The following TMEM87A variants were observed in gnomAD, a reference collection of about 807,000 sequenced individuals.
TMEM87A encodes transmembrane protein 87A, also known as Golgi-pH regulating cation channel.
TMEM87A carries 50 observed loss-of-function variants against 90.0 expected under a neutral mutation model. The observed-to-expected ratio is 0.56, with a 90% CI of 0.44 to 0.70. The LOEUF (loss-of-function observed/expected upper bound fraction) is 0.70, where lower values mean the gene tolerates loss of function less well. TMEM87A is among the 30% of genes least tolerant of loss of function. TMEM87A has a pLI of 0.00. For synonymous variants in TMEM87A, 226 were observed against 226.7 expected (o/e 1.00, Z 0.03); for missense variants, 577 against 660.5 (o/e 0.87, Z 1.39).
At chr15:42,212,750 A>G (rs2140905447) in intron 19 of TMEM87A, among the ~76,000 whole-genome samples, 1 of 152,312 alleles carries the variant, frequency 6.6e-6, no homozygotes, top group South Asian at 2.1e-4. Flanking sequence ...GTTGAAAATG[A>G]TTTTCCTCAG....
At chr15:42,271,801 T>A (rs867631646) in intron 2 of TMEM87A, among the ~76,000 whole-genome samples, 1 of 150,764 alleles carries the variant, frequency 6.6e-6, no homozygotes, top group Non-Finnish European at 1.5e-5. Context: ...TATATATTAA[T>A]ATATACATTA....
intron 15 of TMEM87A, among the ~76,000 whole-genome samples, chr15:42,220,442 TA>T (rs1387024338): frequency 6.6e-6 from 1 of 152,204 alleles, no homozygotes; most frequent in Admixed American, 6.5e-5. Context: ...ACATTACTCA[TA>T]GGGGTGTTTT....
rs917907331 is a variant in TMEM87A, at chr15:42,233,048, T to C, written c.1062+165A>G. Reference sequence around the variant, plus strand: ...ACACACTAAATTTACAAAGCTCTAATAGATTTAAAAGAGAACATGAACTAT... The same window carrying C: ...ACACACTAAATTTACAAAGCTCTAACAGATTTAAAAGAGAACATGAACTAT... On this transcript the variant is annotated intron_variant, in intron 11 of 19. Coordinates refer to ENST00000389834, the MANE Select transcript of TMEM87A (RefSeq NM_015497.5). The C allele has an allele frequency of 5.0e-5, 23 of 461,292 alleles. 1 individual carries two copies. Among genetic ancestry groups the C allele is most frequent in the African/African-American group, 2.0e-4 (10 of 49,820 alleles). The allele number at this position is 461,292 out of a possible 1,614,324, so 28.6% of individuals were successfully genotyped here. A position where few individuals can be genotyped will look rare whatever the true frequency, so the allele number is the denominator to read the frequency against.
intron 15 of TMEM87A, among the ~76,000 whole-genome samples, chr15:42,221,281 GAGAGAGAGAGAGAGAC>G (rs1421636426): frequency 6.6e-6 from 1 of 150,632 alleles, no homozygotes; most frequent in African/African-American, 2.4e-5. Context: ...CAGAGAGAGA[GAGAGAGAGAGAGAGAC>G]AGAGAGAGAG....
At chr15:42,254,495 T>A (rs537066800) in intron 6 of TMEM87A, among the ~76,000 whole-genome samples, 3 of 152,156 alleles carry the variant, frequency 2.0e-5, no homozygotes, top group Admixed American at 1.3e-4. Flanking sequence ...CTGTGATATA[T>A]CCAAACAATG....
At chr15:42,234,975 TG>T (rs1211598744) in intron 10 of TMEM87A, among the ~76,000 whole-genome samples, 1 of 152,214 alleles carries the variant, frequency 6.6e-6, no homozygotes, top group Non-Finnish European at 1.5e-5. Context: ...GCCCAGCCCT[TG>T]GACCTCTTCT....
intron 12 of TMEM87A, among the ~76,000 whole-genome samples, chr15:42,229,976 C>A (rs999055924): frequency 6.6e-5 from 10 of 152,174 alleles, no homozygotes; most frequent in Non-Finnish European, 1.5e-4. Context: ...CAGGTGCAAG[C>A]CACAATGCCT....
chr15:42,212,648 A>T (rs1235865826), intron 19 of TMEM87A, among the ~76,000 whole-genome samples: 1 of 152,196 alleles, frequency 6.6e-6, no homozygotes, highest in East Asian at 1.9e-4. Flanking sequence ...CAGAAACTGC[A>T]TATAGAACAT....
chr15:42,226,832 G>A lies in TMEM87A; in HGVS notation c.1377C>T (p.Leu459=). ...FSMILFVIMV[L]WRPSANNQRF... is the part of the protein sequence containing the mutation. ...TCTGGTTGTTTGCAGATGGTCGCCA[G>A]AGAACCATGATGACAAAGAGGATCA... Residue 459 remains leucine (L), a synonymous_variant, in exon 15 of 20, where the codon CTC becomes CTT. Coordinates refer to ENST00000389834, the MANE Select transcript of TMEM87A (RefSeq NM_015497.5). 1.9e-6 allele frequency: 3 copies of A among 1,614,124 alleles called. No individual in the cohort carries two copies. Among genetic ancestry groups the A allele is most frequent in the African/African-American group, 2.7e-5 (2 of 75,042 alleles).
intron 11 of TMEM87A, among the ~76,000 whole-genome samples, chr15:42,232,224 A>G (rs2050696885): frequency 6.6e-6 from 1 of 152,086 alleles, no homozygotes; most frequent in East Asian, 1.9e-4. Context: ...GGTAACATAA[A>G]TTTCTTTTCT....
chr15:42,268,119 C>T lies in TMEM87A; in HGVS notation c.206-87G>A, dbSNP rs533087668. 7.7e-5 allele frequency: 79 copies of T among 1,031,278 alleles called. No homozygotes were observed. In the African/African-American group the frequency reaches 8.0e-4, roughly 10 times the overall value. The allele number at this position is 1,031,278 out of a possible 1,614,324, so 63.9% of individuals were successfully genotyped here. ...CTGTTAACCTATATCCTATTCATTT[C>T]GTACCCTAAACTGAGATACTCAAAG... On this transcript the variant is annotated intron_variant, in intron 2 of 19. Transcript: ENST00000389834.
Position 42,228,737 on chromosome 15 carries a change from G to A in TMEM87A, c.1215C>T (p.Thr405=). 1 of 1,612,464 alleles carries A rather than the reference G, an allele frequency of 6.2e-7. No homozygotes were observed. Among genetic ancestry groups the A allele is most frequent in the Non-Finnish European group, 8.5e-7 (1 of 1,179,556 alleles). ...CTGCCACTGCCAAAATAAGCGTGTTGGTGAAATGCCGATACAAAGAGAGTT... is the reference window on the plus strand; with the variant it reads ...CTGCCACTGCCAAAATAAGCGTGTTAGTGAAATGCCGATACAAAGAGAGTT... ...IVKLSLYRHF[T]NTLILAVAAS... is the part of the protein sequence containing the mutation. The change falls in exon 13 of 20, where the codon ACC becomes ACT. Residue 405 remains threonine, a synonymous_variant. Transcript: ENST00000389834.
At chr15:42,250,872 T>C (rs573538509) in intron 6 of TMEM87A, among the ~76,000 whole-genome samples, 2 of 152,194 alleles carry the variant, frequency 1.3e-5, no homozygotes, top group Non-Finnish European at 2.9e-5. Flanking sequence ...CTTTCAGGTA[T>C]ACCAATCAGA....
chr15:42,210,636 G>A lies in TMEM87A; in HGVS notation c.*1072C>T, dbSNP rs1165979132. ...AAAACCATTAAAACAGAAATAGAGTGCTTCAAATGAATCCCATCACCTTGT... is the reference window on the plus strand; with the variant it reads ...AAAACCATTAAAACAGAAATAGAGTACTTCAAATGAATCCCATCACCTTGT... On this transcript the variant is annotated 3_prime_UTR_variant, in exon 20 of 20. Coordinates refer to ENST00000389834, the MANE Select transcript of TMEM87A (RefSeq NM_015497.5). 2 of 152,590 alleles carry A rather than the reference G, an allele frequency of 1.3e-5. No homozygotes were observed. The highest frequency in any genetic ancestry group is 4.1e-4 in the South Asian group (2 of 4,834). The allele number at this position is 152,590 out of a possible 1,614,324, so 9.5% of individuals were successfully genotyped here. A position where few individuals can be genotyped will look rare whatever the true frequency, so the allele number is the denominator to read the frequency against.
chr15:42,266,029 C>T (rs769315054), intron 3 of TMEM87A, among the ~76,000 whole-genome samples: 11 of 152,022 alleles, frequency 7.2e-5, no homozygotes, highest in African/African-American at 1.9e-4. Context: ...TGTAGGTGTG[C>T]GGCCTTATTT....
Position 42,268,019 on chromosome 15 carries a change from A to G in TMEM87A, c.219T>C (p.Pro73=). ...AGGTTATATTCAAAGACAGGTCACA[A>G]GGTTCTCCATCAACTACAAAAGAAG... The part of the protein sequence containing the change: ...TTIFLKFDGE[P]CDLSLNITWY... Residue 73 remains proline (P), a synonymous_variant, in exon 3 of 20, where the codon CCT becomes CCC. Coordinates refer to ENST00000389834, the MANE Select transcript of TMEM87A (RefSeq NM_015497.5). The G allele has an allele frequency of 6.2e-7, 1 of 1,612,908 alleles. No homozygotes were observed. The highest frequency in any genetic ancestry group is 8.5e-7 in the Non-Finnish European group (1 of 1,179,366).
At chr15:42,245,083 T>C (rs891548251) in intron 6 of TMEM87A, among the ~76,000 whole-genome samples, 1 of 152,098 alleles carries the variant, frequency 6.6e-6, no homozygotes, top group Admixed American at 6.5e-5. Flanking sequence ...TAAAAATCCA[T>C]GTCAAACAAA....
Position 42,237,432 on chromosome 15 carries a change from C to T in TMEM87A, c.868G>A (p.Val290Ile). 2.5e-6 allele frequency: 4 copies of T among 1,612,906 alleles called. No homozygotes were observed. Among genetic ancestry groups the T allele is most frequent in the Non-Finnish European group, 3.4e-6 (4 of 1,179,408 alleles). The change falls in exon 9 of 20, where the codon GTC (valine) becomes ATC (isoleucine). Residue 290 changes from valine (V) to isoleucine (I), a missense_variant and splice_region_variant. Physicochemically the swap from Val to Ile is conservative, Grantham distance 29 (BLOSUM62 3). Transcript: ENST00000389834. ...FQNIRYKGES[V>I]QGALILAELL... The stretch of plus-strand genomic sequence containing the variant: ...TGGCAAAGATTTTCTGGTTACTTAC[C>T]AGATTCTCCTTTGTATCGGATATTC...
chr15:42,230,962 G>A (rs1032371467), intron 12 of TMEM87A, among the ~76,000 whole-genome samples: 14 of 151,964 alleles, frequency 9.2e-5, no homozygotes, highest in East Asian at 1.9e-4. Context: ...ATTTTATCTC[G>A]AGCTCGGTCC....
Sources: allele counts gnomAD v4.1 joint callset (sites outside exome capture counted in the v4.1 genomes callset), GRCh38; gene constraint gnomAD v4.1.1; transcripts MANE v1.5; gene names NCBI Gene and HGNC (gene_info 2026-07-23, HGNC 2026-07-21).